Variants in PXDNL observed in about 807,000 individuals in gnomAD.
PXDNL encodes peroxidasin like, also known as probable oxidoreductase PXDNL.
A neutral mutation model predicts 150.8 loss-of-function variants in PXDNL; 145 were observed. The ratio of observed to expected loss-of-function variants is 0.96; its 90% CI spans 0.84 to 1.10. The LOEUF is 1.10. PXDNL is among the 50% of genes least tolerant of loss of function. The probability of loss-of-function intolerance (pLI) is 0.00; values close to 1 mark genes in which losing one functional copy is unlikely to be tolerated. For missense variants in PXDNL, 2,087 were observed against 1,873.9 expected (o/e 1.11, Z -2.10); for synonymous variants, 757 against 725.7 (o/e 1.04, Z -0.69).
intron 4 of PXDNL, among the ~76,000 whole-genome samples, chr8:51,538,487 C>T (rs578067488): frequency 2.0e-5 from 3 of 152,082 alleles, no homozygotes; most frequent in Admixed American, 1.3e-4. Flanking sequence ...ATAAATCGGC[C>T]GGGTGCAGTG....
At chr8:51,535,488 A>ATGTGCTT (rs1448733896) in intron 4 of PXDNL, among the ~76,000 whole-genome samples, 3 of 118,450 alleles carry the variant, frequency 2.5e-5, no homozygotes, top group South Asian at 3.2e-4. Context: ...GCGGTGCAAG[A>ATGTGCTT]TGTGCTTTGT....
intron 3 of PXDNL, among the ~76,000 whole-genome samples, chr8:51,570,507 G>A (rs1190943253): frequency 6.6e-6 from 1 of 151,810 alleles, no homozygotes; most frequent in Admixed American, 6.6e-5. Flanking sequence ...AGGAAATAAA[G>A]GAGAAAAAAA....
chr8:51,485,164 G>C (rs1810700845), intron 5 of PXDNL, among the ~76,000 whole-genome samples: 1 of 152,116 alleles, frequency 6.6e-6, no homozygotes, highest in Non-Finnish European at 1.5e-5. Context: ...TAAGTGTTAA[G>C]GTCAGGGGGA....
chr8:51,465,621 G>T (rs893445869), intron 8 of PXDNL, among the ~76,000 whole-genome samples: 1 of 152,068 alleles, frequency 6.6e-6, no homozygotes, highest in Non-Finnish European at 1.5e-5. Flanking sequence ...ATCTCTATTT[G>T]CTGATAATAT....
intron 12 of PXDNL, among the ~76,000 whole-genome samples, chr8:51,427,669 A>T (rs905736376): frequency 1.3e-5 from 2 of 152,254 alleles, no homozygotes; most frequent in African/African-American, 4.8e-5. Context: ...ATACATAAAA[A>T]GTGTTTGCCT....
At chr8:51,539,058 A>G (rs1487445442) in intron 4 of PXDNL, among the ~76,000 whole-genome samples, 1 of 152,124 alleles carries the variant, frequency 6.6e-6, no homozygotes, top group African/African-American at 2.4e-5. Context: ...TCACCTTAAG[A>G]GTTATTCAGT....
At chr8:51,374,138 T>C (rs1387973369) in intron 18 of PXDNL, among the ~76,000 whole-genome samples, 4 of 152,236 alleles carry the variant, frequency 2.6e-5, no homozygotes, top group African/African-American at 7.2e-5. Context: ...TCTTCCTCCA[T>C]GAGAATGAAG....
At chr8:51,365,744 G>A (rs971081073) in intron 19 of PXDNL, among the ~76,000 whole-genome samples, 3 of 152,198 alleles carry the variant, frequency 2.0e-5, no homozygotes, top group African/African-American at 7.2e-5. Flanking sequence ...GTAACTGAGA[G>A]TGGTGATAAG....
intron 13 of PXDNL, among the ~76,000 whole-genome samples, chr8:51,424,925 G>T (rs1809051592): frequency 6.6e-6 from 1 of 152,202 alleles, no homozygotes; most frequent in African/African-American, 2.4e-5. Context: ...ACTCAGAGTA[G>T]GGAGTGAGAA....
At chr8:51,487,460 A>G (rs931098045) in intron 5 of PXDNL, among the ~76,000 whole-genome samples, 7 of 151,810 alleles carry the variant, frequency 4.6e-5, no homozygotes, top group African/African-American at 1.7e-4. Flanking sequence ...AGATAGAGAA[A>G]ACATTGTCCA....
At chr8:51,534,356 G>T (rs1362067638) in intron 4 of PXDNL, among the ~76,000 whole-genome samples, 1 of 147,586 alleles carries the variant, frequency 6.8e-6, no homozygotes, top group Non-Finnish European at 1.5e-5. Flanking sequence ...GGGAGGTGGG[G>T]GGGGGTCAGC....
chr8:51,324,591 G>T (rs1805428103), intron 21 of PXDNL, among the ~76,000 whole-genome samples: 1 of 152,170 alleles, frequency 6.6e-6, no homozygotes, highest in African/African-American at 2.4e-5. Context: ...TAATCCCACA[G>T]GCTTCTGAGG....
At chr8:51,731,141 AAAGAC>A (rs999490149) in intron 1 of PXDNL, among the ~76,000 whole-genome samples, 1 of 152,310 alleles carries the variant, frequency 6.6e-6, no homozygotes, top group South Asian at 2.1e-4. Context: ...AAGTTTCATC[AAAGAC>A]AAGACAAGTC....
intron 1 of PXDNL, among the ~76,000 whole-genome samples, chr8:51,681,800 G>A (rs770797501): frequency 6.6e-6 from 1 of 152,124 alleles, no homozygotes; most frequent in Non-Finnish European, 1.5e-5. Context: ...GTAGCACATG[G>A]TCTGCACACA....
At chr8:51,716,304 T>C (rs986394816) in intron 1 of PXDNL, among the ~76,000 whole-genome samples, 2 of 152,268 alleles carry the variant, frequency 1.3e-5, no homozygotes, top group Admixed American at 6.5e-5. Flanking sequence ...ATTGCATTTC[T>C]GGCAGCCTTG....
At chr8:51,796,210 C>T (rs1188347569) in intron 1 of PXDNL, among the ~76,000 whole-genome samples, 3 of 151,422 alleles carry the variant, frequency 2.0e-5, no homozygotes, top group African/African-American at 7.3e-5. Flanking sequence ...ATTAAAAGAA[C>T]CAGAGAACTA....
intron 1 of PXDNL, among the ~76,000 whole-genome samples, chr8:51,712,541 G>A (rs547096720): frequency 2.0e-5 from 3 of 152,274 alleles, no homozygotes; most frequent in South Asian, 4.2e-4. Context: ...CTAGAATCAT[G>A]CCTGGGACAT....
Position 51,640,337 on chromosome 8 carries a change from T to C in PXDNL, c.236+14352A>G, listed in dbSNP as rs545656185. Among the ~76,000 whole-genome samples, 287 of 152,244 alleles carry C rather than the reference T, an allele frequency of 1.9e-3. 1 individual carries two copies. The highest frequency in any genetic ancestry group is 6.7e-3 in the African/African-American group (277 of 41,560). ...CTCACCACTCCTATTCAACATAGTG[T>C]TGGAAGTTCTGGCCAGGGCAATTAG... On this transcript the variant is annotated intron_variant, in intron 2 of 22. Transcript: ENST00000356297.
chr8:51,586,193 C>T (rs1813317864), intron 3 of PXDNL, among the ~76,000 whole-genome samples: 1 of 152,188 alleles, frequency 6.6e-6, no homozygotes, highest in African/African-American at 2.4e-5. Flanking sequence ...GCGTGGAAAG[C>T]ACTCATCCCT....
Sources: allele counts gnomAD v4.1 joint callset (sites outside exome capture counted in the v4.1 genomes callset), GRCh38; gene constraint gnomAD v4.1.1; transcripts MANE v1.5; gene names NCBI Gene and HGNC (gene_info 2026-07-23, HGNC 2026-07-21).